Variants in ATOH8 observed in about 807,000 individuals in gnomAD.
The protein encoded by ATOH8 is atonal bHLH transcription factor 8, also known as transcription factor ATOH8.
A neutral mutation model predicts 21.2 loss-of-function variants in ATOH8; 9 were observed. The observed-to-expected ratio is 0.42, with a 90% CI of 0.26 to 0.74. The LOEUF (loss-of-function observed/expected upper bound fraction) is 0.74, where lower values mean the gene tolerates loss of function less well. Among genes scored for constraint, ATOH8 ranks in the 30% least tolerant of loss-of-function variants. ATOH8 has a pLI of 0.24. For missense variants in ATOH8, 524 were observed against 470.9 expected (o/e 1.11, Z -1.04); for synonymous variants, 253 against 224.0 (o/e 1.13, Z -1.16).
intron 2 of ATOH8, among the ~76,000 whole-genome samples, chr2:85,769,388 C>T (rs578000324): frequency 3.1e-4 from 47 of 152,312 alleles, no homozygotes; most frequent in Admixed American, 2.4e-3. Context: ...TAGACCCCCC[C>T]GGGTGGTGTG....
intron 2 of ATOH8, among the ~76,000 whole-genome samples, chr2:85,770,935 G>A (rs1289780785): frequency 1.4e-4 from 21 of 152,108 alleles, no homozygotes; most frequent in Admixed American, 1.4e-3. Flanking sequence ...TGCTCAGAAG[G>A]TCTCTGAGAC....
chr2:85,779,623 C>T (rs1231021432), intron 2 of ATOH8, among the ~76,000 whole-genome samples: 1 of 152,174 alleles, frequency 6.6e-6, no homozygotes, highest in Admixed American at 6.5e-5. Context: ...GGCTTGGGGA[C>T]CTGCCGTTCC....
At chr2:85,779,193 G>A (rs1391950765) in intron 2 of ATOH8, among the ~76,000 whole-genome samples, 1 of 152,286 alleles carries the variant, frequency 6.6e-6, no homozygotes, top group African/African-American at 2.4e-5. Flanking sequence ...CAAGTGCGAT[G>A]ACCGGACAGC....
At chr2:85,773,392 G>C (rs1001064373) in intron 2 of ATOH8, 1 of 154,450 alleles carries the variant, frequency 6.5e-6, no homozygotes, top group African/African-American at 2.4e-5. Context: ...GGGGTCCTGG[G>C]GCAGGGCCGG....
At chr2:85,774,547 T>C (rs1680273950) in intron 2 of ATOH8, 2 of 985,438 alleles carry the variant, frequency 2.0e-6, no homozygotes, top group Non-Finnish European at 2.4e-6. Context: ...TTGCCACCTC[T>C]GCCCAGAATT....
intron 2 of ATOH8, among the ~76,000 whole-genome samples, chr2:85,769,488 G>A (rs1296592955): frequency 6.6e-6 from 1 of 152,190 alleles, no homozygotes; most frequent in Non-Finnish European, 1.5e-5. Context: ...AGCCAGAGGT[G>A]GCAATTAAGC....
In ATOH8 at chr2:85,790,519, G is replaced by A. The variant is rs1680740292; in HGVS notation, c.*3629G>A. On this transcript the variant is annotated 3_prime_UTR_variant, in exon 3 of 3. Transcript: ENST00000306279. Reference sequence around the variant, plus strand: ...ATTCTGGAGGTGAGGTTTTGAGCAAGTGTTCATCCCCCCACACTATGCTCC... The same window carrying A: ...ATTCTGGAGGTGAGGTTTTGAGCAAATGTTCATCCCCCCACACTATGCTCC... Among the ~76,000 whole-genome samples, 1 of 152,222 alleles carries A rather than the reference G, an allele frequency of 6.6e-6. No individual in the cohort carries two copies. The highest frequency in any genetic ancestry group is 2.4e-5 in the African/African-American group (1 of 41,470).
intron 2 of ATOH8, among the ~76,000 whole-genome samples, chr2:85,772,417 C>G (rs891994481): frequency 1.3e-5 from 2 of 152,188 alleles, no homozygotes; most frequent in Non-Finnish European, 2.9e-5. Flanking sequence ...GCGGCCCCCC[C>G]TCCTGGCAGC....
In ATOH8 at chr2:85,754,058, C is replaced by G; in HGVS notation, c.-132C>G. The G allele has an allele frequency of 5.1e-6, 6 of 1,174,290 alleles. No homozygotes were observed. Among genetic ancestry groups the G allele is most frequent in the Non-Finnish European group, 6.7e-6 (6 of 895,790 alleles). 72.7% of individuals were successfully genotyped at this position (1,174,290 alleles called of 1,614,324 possible). ...TTCCCGAAGCCGGCGGCGCAGCTGCCCGGGGCGAGGGGGAGAAAGGGAGAG... is the reference window on the plus strand; with the variant it reads ...TTCCCGAAGCCGGCGGCGCAGCTGCGCGGGGCGAGGGGGAGAAAGGGAGAG... On this transcript the variant is annotated 5_prime_UTR_variant, in exon 1 of 3. Transcript: ENST00000306279.
intron 2 of ATOH8, chr2:85,775,253 A>G (rs1680291257): frequency 1.0e-6 from 1 of 985,266 alleles, no homozygotes; most frequent in Admixed American, 6.1e-5. Context: ...CTTCTGGCAC[A>G]TACTAGGGCC....
At chr2:85,772,590 G>A (rs1367625436) in intron 2 of ATOH8, 3 of 412,978 alleles carry the variant, frequency 7.3e-6, no homozygotes, top group Non-Finnish European at 1.4e-5. Context: ...CTCTCCCCTG[G>A]CCATCTGTTC....
At chr2:85,760,029 A>G (rs1056126600) in intron 1 of ATOH8, among the ~76,000 whole-genome samples, 1 of 152,072 alleles carries the variant, frequency 6.6e-6, no homozygotes, top group Non-Finnish European at 1.5e-5. Flanking sequence ...GGACCTGCCT[A>G]AGGTCACATG....
chr2:85,776,669 C>T (rs1250230279), intron 2 of ATOH8, among the ~76,000 whole-genome samples: 1 of 152,206 alleles, frequency 6.6e-6, no homozygotes, highest in Non-Finnish European at 1.5e-5. Flanking sequence ...GAGGTACTCC[C>T]TGGAAGGCGG....
intron 1 of ATOH8, among the ~76,000 whole-genome samples, chr2:85,761,125 G>A (rs1679860626): frequency 6.6e-6 from 1 of 152,184 alleles, no homozygotes; most frequent in Non-Finnish European, 1.5e-5. Context: ...GAAGGAGAGG[G>A]GAGCAACCTG....
At chr2:85,763,632 G>GA (rs1679925831) in intron 1 of ATOH8, among the ~76,000 whole-genome samples, 2 of 152,086 alleles carry the variant, frequency 1.3e-5, no homozygotes, top group South Asian at 2.1e-4. Flanking sequence ...CATCAGAGCT[G>GA]AAAAAACAAA....
Position 85,754,687 on chromosome 2 carries a change from A to T in ATOH8, c.498A>T (p.Ser166=). 6.3e-7 allele frequency: 1 copy of T among 1,584,780 alleles called. No homozygotes were observed. Among genetic ancestry groups the T allele is most frequent in the African/African-American group, 1.4e-5 (1 of 73,824 alleles). The change falls in exon 1 of 3, where the codon TCA becomes TCT. Residue 166 remains serine, a synonymous_variant. Transcript: ENST00000306279. ...CACCGCCCGCGCGCCCCGCGCCGTC[A>T]GCACCCCCAGCACCGCCAGCGCCCC... ...LCAPPARPAP[S]APPAPPAPPE...
chr2:85,766,227 C>T lies in ATOH8; in HGVS notation c.960+2045C>T, dbSNP rs1680012049. The stretch of plus-strand genomic sequence containing the variant: ...AAATGCTTGAGCTCTGAACTTGAGG[C>T]TTATCCTATGGGGCTTACTTATGTG... On this transcript the variant is annotated intron_variant, in intron 2 of 2. Transcript: ENST00000306279. This position sits in a 1 kb window ranked among gnomAD's most constrained non-coding sequence, Gnocchi z 4.0. Among the ~76,000 whole-genome samples, 1 of 152,114 alleles carries T rather than the reference C, an allele frequency of 6.6e-6. No individual in the cohort carries two copies. The highest frequency in any genetic ancestry group is 1.9e-4 in the East Asian group (1 of 5,190).
intron 2 of ATOH8, among the ~76,000 whole-genome samples, chr2:85,769,271 G>A (rs1181857852): frequency 6.6e-6 from 1 of 152,248 alleles, no homozygotes; most frequent in African/African-American, 2.4e-5. Flanking sequence ...TAAATGGCCA[G>A]TAAGTTCCTG....
At chr2:85,768,177 T>A (rs546111945) in intron 2 of ATOH8, among the ~76,000 whole-genome samples, 2 of 152,334 alleles carry the variant, frequency 1.3e-5, no homozygotes, top group East Asian at 3.9e-4. Context: ...AGTCCATTGC[T>A]GTTCCTCTCT....
Sources: allele counts gnomAD v4.1 joint callset (sites outside exome capture counted in the v4.1 genomes callset), GRCh38; gene constraint gnomAD v4.1.1; non-coding constraint Gnocchi (gnomAD v3.1); transcripts MANE v1.5; gene names NCBI Gene and HGNC (gene_info 2026-07-23, HGNC 2026-07-21).